Variants in ZNF385D observed in about 807,000 individuals in gnomAD.
ZNF385D encodes zinc finger protein 385D.
A neutral mutation model predicts 35.8 loss-of-function variants in ZNF385D; 15 were observed. The ratio of observed to expected loss-of-function variants is 0.42; its 90% confidence interval spans 0.28 to 0.64. ZNF385D has a LOEUF of 0.64. Ranked by LOEUF, ZNF385D falls within the 30% of genes least tolerant of loss-of-function variation. ZNF385D has a pLI of 0.23. For synonymous variants in ZNF385D, 212 were observed against 186.8 expected (o/e 1.13, Z -1.10); for missense variants, 474 against 494.6 (o/e 0.96, Z 0.39).
At chr3:22,057,879 T>C (rs528508414) in intron 3 of ZNF385D, among the ~76,000 whole-genome samples, 5 of 152,204 alleles carry the variant, frequency 3.3e-5, no homozygotes, top group African/African-American at 9.6e-5. Flanking sequence ...AATGGACAAA[T>C]AGGTAAATTG....
intron 3 of ZNF385D, among the ~76,000 whole-genome samples, chr3:21,818,949 C>G (rs1371651536): frequency 1.3e-5 from 2 of 151,988 alleles, no homozygotes; most frequent in Non-Finnish European, 2.9e-5. Context: ...AATAACATAG[C>G]TATTTAATTT....
intron 2 of ZNF385D, among the ~76,000 whole-genome samples, chr3:22,351,381 GAGC>G (rs1695909037): frequency 6.6e-6 from 1 of 152,090 alleles, no homozygotes; most frequent in South Asian, 2.1e-4. Context: ...TCTCAGAAAT[GAGC>G]AGTTTATACA....
chr3:21,450,058 T>C (rs1255874505), intron 4 of ZNF385D, among the ~76,000 whole-genome samples: 1 of 152,170 alleles, frequency 6.6e-6, no homozygotes, highest in East Asian at 1.9e-4. Context: ...CCTGAGACCA[T>C]GGCAGGCAGA....
intron 3 of ZNF385D, among the ~76,000 whole-genome samples, chr3:21,802,876 A>C (rs752806039): frequency 6.6e-5 from 10 of 152,232 alleles, no homozygotes; most frequent in Non-Finnish European, 1.2e-4. Context: ...TAAGTGCTCA[A>C]GGTTTTGCGT....
intron 3 of ZNF385D, among the ~76,000 whole-genome samples, chr3:21,946,467 T>TG (rs1701790035): frequency 6.6e-6 from 1 of 152,010 alleles, no homozygotes; most frequent in African/African-American, 2.4e-5. Context: ...TTTTCTTTGT[T>TG]TCTCTAATAC....
chr3:21,857,630 C>T (rs1323312878), intron 3 of ZNF385D, among the ~76,000 whole-genome samples: 1 of 151,760 alleles, frequency 6.6e-6, no homozygotes, highest in Non-Finnish European at 1.5e-5. Context: ...GAGTTGCAGC[C>T]TCAGAGGGAA....
Position 22,114,566 on chromosome 3 carries a change from A to T in ZNF385D, c.325+54251T>A, listed in dbSNP as rs375911768. On this transcript the variant is annotated intron_variant, in intron 3 of 5. Coordinates refer to the ZNF385D transcript ENST00000494108. ...ACAGGAAATGAAAAGAAGCCAGTGG[A>T]AGGTACATTAATGAGCAGATCACTG... 4.6e-5 allele frequency among the ~76,000 whole-genome samples: 7 copies of T among 152,194 alleles called. 1 individual carries two copies. Among genetic ancestry groups the T allele is most frequent in the East Asian group, 3.9e-4 (2 of 5,160 alleles).
intron 3 of ZNF385D, among the ~76,000 whole-genome samples, chr3:22,149,478 T>C (rs1049621779): frequency 1.1e-4 from 16 of 152,232 alleles, no homozygotes; most frequent in Non-Finnish European, 2.2e-4. Flanking sequence ...CAAAGCGTTC[T>C]TTAAGACACA....
intron 2 of ZNF385D, among the ~76,000 whole-genome samples, chr3:21,590,466 A>G (rs1165276773): frequency 6.6e-6 from 1 of 152,186 alleles, no homozygotes; most frequent in Non-Finnish European, 1.5e-5. Context: ...GTATATTTGT[A>G]TACATCAAAT....
At chr3:22,146,399 T>G (rs900923000) in intron 3 of ZNF385D, among the ~76,000 whole-genome samples, 4 of 152,222 alleles carry the variant, frequency 2.6e-5, no homozygotes, top group South Asian at 4.1e-4. Context: ...GTGGGTTGTA[T>G]AGAATGAATT....
At chr3:22,082,466 G>A (rs981210865) in intron 3 of ZNF385D, among the ~76,000 whole-genome samples, 28 of 152,184 alleles carry the variant, frequency 1.8e-4, no homozygotes, top group Non-Finnish European at 3.4e-4. Flanking sequence ...AGCAGTCCGA[G>A]ATCAAACTGC....
chr3:21,543,919 A>G (rs1180553769), intron 3 of ZNF385D, among the ~76,000 whole-genome samples: 1 of 152,112 alleles, frequency 6.6e-6, no homozygotes, highest in Non-Finnish European at 1.5e-5. Flanking sequence ...CTTAGGAAGT[A>G]AGTTTCTTTC....
intron 3 of ZNF385D, among the ~76,000 whole-genome samples, chr3:21,864,171 C>T (rs2670255): frequency 0.24 from 37,121 of 151,992 alleles, 4,703 homozygotes; most frequent in Middle Eastern, 0.41. Context: ...CTCAACCAGT[C>T]CTTTTGTTGC....
At chr3:22,192,647 T>C (rs909670923) in intron 2 of ZNF385D, among the ~76,000 whole-genome samples, 16 of 152,178 alleles carry the variant, frequency 1.1e-4, no homozygotes, top group Admixed American at 3.3e-4. Flanking sequence ...ATTGATGTCA[T>C]GGCCAACATC....
At chr3:21,833,081 T>A (rs1446656969) in intron 3 of ZNF385D, among the ~76,000 whole-genome samples, 1 of 152,202 alleles carries the variant, frequency 6.6e-6, no homozygotes, top group Non-Finnish European at 1.5e-5. Flanking sequence ...TATTCATTCA[T>A]CAATCAACGA....
At chr3:21,636,361 TG>T (rs1272096694) in intron 2 of ZNF385D, among the ~76,000 whole-genome samples, 36 of 132,106 alleles carry the variant, frequency 2.7e-4, no homozygotes, top group Non-Finnish European at 4.3e-4. Context: ...TGATTATATA[TG>T]ATTATATATA....
At chr3:21,695,870 T>C (rs1013458846) in intron 1 of ZNF385D, among the ~76,000 whole-genome samples, 1 of 152,152 alleles carries the variant, frequency 6.6e-6, no homozygotes, top group Non-Finnish European at 1.5e-5. Context: ...GTAGTGTTAA[T>C]AAGAATGGTA....
chr3:22,215,954 G>A (rs1446835186), intron 2 of ZNF385D, among the ~76,000 whole-genome samples: 1 of 151,944 alleles, frequency 6.6e-6, no homozygotes, highest in African/African-American at 2.4e-5. Context: ...GAAATATCGG[G>A]GGTGAATTTC....
chr3:21,946,424 C>T (rs1307459839), intron 3 of ZNF385D, among the ~76,000 whole-genome samples: 1 of 151,706 alleles, frequency 6.6e-6, no homozygotes, highest in Non-Finnish European at 1.5e-5. Context: ...AAAATTAATT[C>T]ATTAGATTTT....
Sources: gnomAD v4.1 joint callset for allele counts (sites outside exome capture counted in the v4.1 genomes callset) on GRCh38, gnomAD v4.1.1 for gene constraint, MANE v1.5 for transcripts, NCBI Gene and HGNC (gene_info 2026-07-23, HGNC 2026-07-21) for gene names.